The following ZMIZ1 variants were observed in gnomAD, a reference collection of about 807,000 sequenced individuals.
The protein encoded by ZMIZ1 is zinc finger MIZ-type containing 1.
In ZMIZ1, 17 loss-of-function variants were observed where a neutral mutation model predicts 113.9. That is an observed-to-expected ratio of 0.15 (90% CI 0.10 to 0.22). The LOEUF (loss-of-function observed/expected upper bound fraction) is 0.22. Ranked by LOEUF, ZMIZ1 falls within the 10% of genes least tolerant of loss-of-function variation. The pLI, the probability that ZMIZ1 is intolerant of heterozygous loss-of-function variation, is 1.00. For missense variants in ZMIZ1, 1,059 were observed against 1,477.8 expected (o/e 0.72, Z 4.65); for synonymous variants, 607 against 603.1 (o/e 1.01, Z -0.09).
At position 79,212,332 on chromosome 10, in the gene ZMIZ1, AT is replaced by A. The variant is rs574580639; in HGVS notation, c.175-3828del. The stretch of plus-strand genomic sequence containing the variant: ...GCCACCATGCCAGGCCAATTTTTAA[AT>A]TTTTTTTTAATTTTTTTCTTAAAGG... On this transcript the variant is annotated intron_variant, in intron 6 of 24. Transcript: ENST00000334512. Among the ~76,000 whole-genome samples the A allele has an allele frequency of 2.0e-3, 300 of 151,258 alleles. 2 individuals are homozygous for A. The highest frequency in any genetic ancestry group is 2.0e-3 in the Non-Finnish European group (135 of 67,764).
At chr10:79,207,790 A>G (rs982777288) in intron 5 of ZMIZ1, among the ~76,000 whole-genome samples, 1 of 152,014 alleles carries the variant, frequency 6.6e-6, no homozygotes, top group African/African-American at 2.4e-5. Context: ...TTATGTGGCT[A>G]GGGCAGAGCA....
chr10:79,088,567 A>G (rs1420118108), intron 1 of ZMIZ1, among the ~76,000 whole-genome samples: 2 of 152,246 alleles, frequency 1.3e-5, no homozygotes, highest in African/African-American at 4.8e-5. Context: ...AGAGGGACAC[A>G]TGGGAACCTT....
intron 1 of ZMIZ1, among the ~76,000 whole-genome samples, chr10:79,112,984 GTGAGCTCC>G: frequency 6.6e-6 from 1 of 152,282 alleles, no homozygotes; most frequent in East Asian, 1.9e-4. Flanking sequence ...TCCTGAGATC[GTGAGCTCC>G]TGAGCTCCTG....
chr10:79,107,129 G>A (rs1378985433), intron 1 of ZMIZ1, among the ~76,000 whole-genome samples: 1 of 152,200 alleles, frequency 6.6e-6, no homozygotes, highest in Non-Finnish European at 1.5e-5. Context: ...ACTGGCTTGC[G>A]GCCACACAGC....
At chr10:79,292,908 T>A (rs1465984480) in intron 11 of ZMIZ1, 2 of 462,670 alleles carry the variant, frequency 4.3e-6, no homozygotes, top group Non-Finnish European at 8.6e-6. Flanking sequence ...AAGTGGAAGC[T>A]GGGCTGAGGC....
At chr10:79,174,126 C>G (rs913390774) in intron 4 of ZMIZ1, among the ~76,000 whole-genome samples, 1 of 152,248 alleles carries the variant, frequency 6.6e-6, no homozygotes, top group South Asian at 2.1e-4. Context: ...TCAGATCCCA[C>G]TGGGATTGCT....
chr10:79,229,991 T>TA (rs1288325014), intron 7 of ZMIZ1, among the ~76,000 whole-genome samples: 25 of 152,280 alleles, frequency 1.6e-4, no homozygotes, highest in African/African-American at 5.1e-4. Context: ...TCAGAGAGGT[T>TA]AAGTCCCTTG....
chr10:79,310,845 G>A, intron 23 of ZMIZ1, 79 bp from the exon 24 acceptor site: 1 of 1,479,416 alleles, frequency 6.8e-7, no homozygotes, highest in Non-Finnish European at 9.1e-7. Context: ...TGGTTGTGTT[G>A]GGTTTCATTT....
intron 2 of ZMIZ1, among the ~76,000 whole-genome samples, chr10:79,134,924 T>G (rs900138013): frequency 1.3e-5 from 2 of 152,128 alleles, no homozygotes; most frequent in African/African-American, 4.8e-5. Flanking sequence ...GTTCAAGTGA[T>G]TCTCCTGTCT....
intron 1 of ZMIZ1, among the ~76,000 whole-genome samples, chr10:79,092,946 C>T (rs1035097105): frequency 2.6e-5 from 4 of 151,782 alleles, no homozygotes; most frequent in Non-Finnish European, 5.9e-5. Context: ...AAGCAGCACC[C>T]CCAAAGCCGT....
At chr10:79,214,668 T>C (rs1391158653) in intron 6 of ZMIZ1, among the ~76,000 whole-genome samples, 1 of 152,150 alleles carries the variant, frequency 6.6e-6, no homozygotes, top group Non-Finnish European at 1.5e-5. Context: ...TCCAGGCGCC[T>C]CTGGAGCAGG....
intron 1 of ZMIZ1, among the ~76,000 whole-genome samples, chr10:79,115,554 C>A (rs943491473): frequency 6.6e-6 from 1 of 152,222 alleles, no homozygotes; most frequent in African/African-American, 2.4e-5. Context: ...GGCCTCAGCA[C>A]TGCCTTGGCC....
At chr10:79,232,366 C>G (rs1849428458) in intron 7 of ZMIZ1, among the ~76,000 whole-genome samples, 1 of 152,058 alleles carries the variant, frequency 6.6e-6, no homozygotes. Flanking sequence ...GTGTGTTGGA[C>G]AGCAAAGGGG....
chr10:79,146,863 C>T (rs774561653), intron 3 of ZMIZ1, among the ~76,000 whole-genome samples: 46 of 152,190 alleles, frequency 3.0e-4, no homozygotes, highest in African/African-American at 1.1e-3. Flanking sequence ...GAAGGGCAGC[C>T]GGTCACTTGT....
intron 8 of ZMIZ1, among the ~76,000 whole-genome samples, chr10:79,282,527 G>A (rs570827254): frequency 1.3e-5 from 2 of 152,200 alleles, no homozygotes; most frequent in African/African-American, 2.4e-5. Context: ...TGGAGAGCTC[G>A]GGTGTCACAA....
intron 8 of ZMIZ1, chr10:79,285,475 A>G (rs1231335583): frequency 4.4e-6 from 2 of 455,918 alleles, no homozygotes; most frequent in Non-Finnish European, 8.8e-6. Context: ...AGGCATACAG[A>G]GAGTGAGCAG....
chr10:79,142,662 G>C (rs779095129), intron 3 of ZMIZ1, among the ~76,000 whole-genome samples: 2 of 152,226 alleles, frequency 1.3e-5, no homozygotes, highest in African/African-American at 4.8e-5. Flanking sequence ...CCACACAGGG[G>C]CTAGGGGCTG....
At chr10:79,193,901 C>T (rs1305513365) in intron 4 of ZMIZ1, among the ~76,000 whole-genome samples, 2 of 152,116 alleles carry the variant, frequency 1.3e-5, no homozygotes, top group African/African-American at 2.4e-5. Flanking sequence ...GGGGCCAGGC[C>T]GAAAAGGATC....
intron 7 of ZMIZ1, among the ~76,000 whole-genome samples, chr10:79,272,950 C>T (rs1589535976): frequency 6.6e-6 from 1 of 152,216 alleles, no homozygotes; most frequent in South Asian, 2.1e-4. Context: ...TCGGCACCAG[C>T]CCCTGGACAG....
Sources: allele counts gnomAD v4.1 joint callset (sites outside exome capture counted in the v4.1 genomes callset), GRCh38; gene constraint gnomAD v4.1.1; transcripts MANE v1.5; gene names NCBI Gene and HGNC (gene_info 2026-07-23, HGNC 2026-07-21).